The following KANSL1L variants were observed in gnomAD, a reference collection of about 807,000 sequenced individuals.
KANSL1L encodes KAT8 regulatory NSL complex subunit 1 like.
In KANSL1L, 25 loss-of-function variants were observed where a neutral mutation model predicts 108.6. The ratio of observed to expected loss-of-function variants is 0.23; its 90% CI spans 0.17 to 0.32. KANSL1L has a LOEUF of 0.32. Among genes scored for constraint, KANSL1L ranks in the 10% least tolerant of loss-of-function variants. The probability of loss-of-function intolerance (pLI) is 1.00; values close to 1 mark genes in which losing one functional copy is unlikely to be tolerated. For missense variants in KANSL1L, 1,137 were observed against 1,125.7 expected (o/e 1.01, Z -0.14); for synonymous variants, 405 against 395.1 (o/e 1.03, Z -0.30).
intron 1 of KANSL1L, among the ~76,000 whole-genome samples, chr2:210,164,336 G>A (rs1003280353): frequency 6.6e-6 from 1 of 151,902 alleles, no homozygotes; most frequent in African/African-American, 2.4e-5. Context: ...GAAAGTTTAT[G>A]GAAAATAAAT....
At chr2:210,127,724 G>A (rs1262632284) in intron 3 of KANSL1L, among the ~76,000 whole-genome samples, 3 of 148,092 alleles carry the variant, frequency 2.0e-5, no homozygotes, top group African/African-American at 4.9e-5. Context: ...GCTTGAGCCC[G>A]GGAGGTCAAG....
chr2:210,161,109 C>T (rs1300866142), intron 1 of KANSL1L, among the ~76,000 whole-genome samples: 1 of 151,894 alleles, frequency 6.6e-6, no homozygotes, highest in African/African-American at 2.4e-5. Context: ...CCGCCTCAGC[C>T]TCCCAAGTAG....
intron 5 of KANSL1L, among the ~76,000 whole-genome samples, chr2:210,094,493 G>T (rs1454459748): frequency 6.6e-6 from 1 of 151,966 alleles, no homozygotes; most frequent in Non-Finnish European, 1.5e-5. Flanking sequence ...CAAGATATAA[G>T]AAATAAAATT....
Position 210,075,636 on chromosome 2 carries a change from A to T in KANSL1L, c.1671T>A (p.Ser557Arg). ...RLKSSSLTFM[S>R]TSARTRPLQS... ...GAAGTGGCCTTGTTCGGGCTGATGT[A>T]CTCATGAAAGTCAAGGATGAAGATT... Residue 557 changes from serine to arginine, a missense_variant, in exon 6 of 15, where the codon AGT (serine) becomes AGA (arginine). This residue lies in a region of KANSL1L where 575 missense variants were observed against 567.1 expected (regional missense o/e 1.01). Coordinates refer to ENST00000281772, the MANE Select transcript of KANSL1L (RefSeq NM_152519.4). The T allele has an allele frequency of 6.2e-7, 1 of 1,613,912 alleles. No homozygotes were observed. Among genetic ancestry groups the T allele is most frequent in the Non-Finnish European group, 8.5e-7 (1 of 1,179,902 alleles).
intron 8 of KANSL1L, among the ~76,000 whole-genome samples, chr2:210,034,281 T>C (rs1386351145): frequency 6.6e-6 from 1 of 152,148 alleles, no homozygotes; most frequent in Non-Finnish European, 1.5e-5. Flanking sequence ...TTACTGAGAA[T>C]GTATAAGAGT....
At chr2:210,152,672 T>C (rs774066126) in intron 2 of KANSL1L, 4 of 152,196 alleles carry the variant, frequency 2.6e-5, no homozygotes, top group Non-Finnish European at 4.4e-5. Flanking sequence ...TATACTAAGC[T>C]AGCAAAAACT....
intron 2 of KANSL1L, among the ~76,000 whole-genome samples, chr2:210,141,718 A>T (rs899799627): frequency 6.6e-6 from 1 of 152,206 alleles, no homozygotes; most frequent in African/African-American, 2.4e-5. Flanking sequence ...CTTATCATAT[A>T]TGGCCTTTAT....
intron 2 of KANSL1L, among the ~76,000 whole-genome samples, chr2:210,132,491 T>C (rs750291516): frequency 6.6e-6 from 1 of 152,168 alleles, no homozygotes; most frequent in Admixed American, 6.5e-5. Context: ...GATCACTCAT[T>C]CCCCAGAAAG....
intron 2 of KANSL1L, among the ~76,000 whole-genome samples, chr2:210,141,388 G>A (rs184632699): frequency 6.6e-6 from 1 of 152,122 alleles, no homozygotes; most frequent in East Asian, 1.9e-4. Flanking sequence ...TGAGCCTTTG[G>A]AGATGATTAG....
chr2:210,154,497 T>C lies in KANSL1L; in HGVS notation c.86A>G (p.Tyr29Cys), dbSNP rs1183400398. ...PSTMESDKMLYMESPRTVDEK... is the reference protein window; with the variant it reads ...PSTMESDKMLCMESPRTVDEK... ...ATCTACAGTTCTGGGACTTTCCATG[T>C]AGAGCATCTTGTCAGACTCCATGGT... Residue 29 changes from tyrosine (Y) to cysteine (C), a missense_variant, in exon 2 of 15, where the codon TAC becomes TGC. By Grantham distance (194) the Tyr-to-Cys change is radical. Around this residue, in one of 3 missense-constraint regions of KANSL1L, gnomAD observed 556 missense variants for 537.7 expected, o/e 1.03. Transcript: ENST00000281772. 11 of 1,609,652 alleles carry C rather than the reference T, an allele frequency of 6.8e-6. No individual in the cohort carries two copies. The highest frequency in any genetic ancestry group is 1.7e-5 in the Admixed American group (1 of 59,582).
At chr2:210,114,241 T>C (rs987061765) in intron 3 of KANSL1L, among the ~76,000 whole-genome samples, 2 of 152,202 alleles carry the variant, frequency 1.3e-5, no homozygotes, top group Admixed American at 1.3e-4. Flanking sequence ...TGATAAACTT[T>C]GGAGGTCCAA....
At chr2:210,068,362 T>G (rs944882915) in intron 6 of KANSL1L, among the ~76,000 whole-genome samples, 12 of 152,280 alleles carry the variant, frequency 7.9e-5, no homozygotes, top group African/African-American at 2.6e-4. Context: ...GTTGAATATA[T>G]ACACACCCAC....
chr2:210,109,114 C>A (rs1172403415), intron 3 of KANSL1L, among the ~76,000 whole-genome samples: 7 of 152,126 alleles, frequency 4.6e-5, no homozygotes, highest in Non-Finnish European at 8.8e-5. Context: ...AATGTTTTCT[C>A]TGACCCTCTG....
intron 8 of KANSL1L, among the ~76,000 whole-genome samples, chr2:210,031,759 G>C (rs1016166808): frequency 6.6e-6 from 1 of 152,150 alleles, no homozygotes; most frequent in African/African-American, 2.4e-5. Flanking sequence ...GGGATGAAAA[G>C]GGAAGATGAT....
chr2:210,040,568 C>T (rs1371402754), intron 7 of KANSL1L, 41 bp from the exon 8 acceptor site: 8 of 822,870 alleles, frequency 9.7e-6, no homozygotes, highest in Non-Finnish European at 1.5e-5. Flanking sequence ...AAATACCACT[C>T]TTTGTAATAC....
At chr2:210,159,212 C>T (rs76570471) in intron 1 of KANSL1L, among the ~76,000 whole-genome samples, 3,270 of 152,314 alleles carry the variant, frequency 0.021, 42 homozygotes, top group Non-Finnish European at 0.033. Flanking sequence ...CCAGAAACAC[C>T]GGCCTCTATG....
Position 210,025,125 on chromosome 2 carries a change from T to G in KANSL1L, c.2543A>C (p.Lys848Thr), listed in dbSNP as rs770197627. The G allele has an allele frequency of 6.2e-7, 1 of 1,611,636 alleles. No individual in the cohort carries two copies. The highest frequency in any genetic ancestry group is 2.2e-5 in the East Asian group (1 of 44,868). ...QARWSLWEQS[K>T]WHRRNSRAYS... ...CTGCCTGCTGTTTCTTCTGTGCCACTTGCTTTGCTCCCATAGTGACCACCT... is the reference window on the plus strand; with the variant it reads ...CTGCCTGCTGTTTCTTCTGTGCCACGTGCTTTGCTCCCATAGTGACCACCT... The change falls in exon 13 of 15, where the codon AAG becomes ACG. Residue 848 changes from lysine (K) to threonine (T), a missense_variant. Around this residue, in one of 3 missense-constraint regions of KANSL1L, gnomAD observed 575 missense variants for 567.1 expected, o/e 1.01. Transcript: ENST00000281772.
At chr2:210,121,296 C>G (rs545675919) in intron 3 of KANSL1L, among the ~76,000 whole-genome samples, 11 of 152,264 alleles carry the variant, frequency 7.2e-5, no homozygotes, top group Non-Finnish European at 1.6e-4. Context: ...ACACATACAC[C>G]ATGGAATACT....
At chr2:210,036,844 C>T (rs1387539551) in intron 8 of KANSL1L, among the ~76,000 whole-genome samples, 1 of 152,062 alleles carries the variant, frequency 6.6e-6, no homozygotes, top group Non-Finnish European at 1.5e-5. Context: ...GCAGCCTCAA[C>T]CTCCCAGGCT....
Sources: allele counts gnomAD v4.1 joint callset (sites outside exome capture counted in the v4.1 genomes callset), GRCh38; gene constraint gnomAD v4.1.1; regional missense constraint gnomAD v4.1.1; transcripts MANE v1.5; gene names NCBI Gene and HGNC (gene_info 2026-07-23, HGNC 2026-07-21).